The following SYNDIG1 variants were observed in gnomAD, a reference collection of about 807,000 sequenced individuals.
SYNDIG1 encodes the protein synapse differentiation inducing 1, also known as synapse differentiation-inducing gene protein 1.
Under a neutral mutation model 19.4 loss-of-function variants are expected in SYNDIG1, and 9 were observed. That is an observed-to-expected ratio of 0.46 (90% CI 0.28 to 0.81). SYNDIG1 has a LOEUF of 0.81. Among genes scored for constraint, SYNDIG1 ranks in the 30% least tolerant of loss-of-function variants. The pLI is 0.12. For synonymous variants in SYNDIG1, 141 were observed against 145.9 expected (o/e 0.97, Z 0.24); for missense variants, 311 against 343.3 (o/e 0.91, Z 0.74).
At chr20:24,510,092 T>C (rs2146451945) in intron 1 of SYNDIG1, among the ~76,000 whole-genome samples, 1 of 152,334 alleles carries the variant, frequency 6.6e-6, no homozygotes, top group African/African-American at 2.4e-5. Context: ...CCCCAGAAGC[T>C]GAGCAAATGC....
chr20:24,522,221 C>A (rs1167284527), intron 1 of SYNDIG1, among the ~76,000 whole-genome samples: 2 of 152,112 alleles, frequency 1.3e-5, no homozygotes, highest in Non-Finnish European at 2.9e-5. Flanking sequence ...AGTCTCCCAC[C>A]TGTAGCTAGG....
intron 1 of SYNDIG1, among the ~76,000 whole-genome samples, chr20:24,528,914 C>T (rs2146604440): frequency 6.6e-6 from 1 of 152,272 alleles, no homozygotes; most frequent in Admixed American, 6.5e-5. Context: ...CCAAACACTA[C>T]AAACTAAGTG....
intron 1 of SYNDIG1, among the ~76,000 whole-genome samples, chr20:24,486,700 C>T (rs1322546443): frequency 3.3e-5 from 5 of 151,556 alleles, no homozygotes; most frequent in Non-Finnish European, 7.4e-5. Flanking sequence ...CGCTCTGTCA[C>T]CAGGCTGGAG....
At chr20:24,472,011 TC>T (rs1279346202) in intron 1 of SYNDIG1, among the ~76,000 whole-genome samples, 2 of 152,184 alleles carry the variant, frequency 1.3e-5, no homozygotes, top group African/African-American at 4.8e-5. Flanking sequence ...AAAAAACCAT[TC>T]CAAACTCACT....
At chr20:24,477,069 G>A (rs142468198) in intron 1 of SYNDIG1, among the ~76,000 whole-genome samples, 2,824 of 152,346 alleles carry the variant, frequency 0.019, 58 homozygotes, top group Non-Finnish European at 0.023. Context: ...AATATGTGCA[G>A]AATTCTGTAG....
chr20:24,493,301 C>T (rs574910818), intron 1 of SYNDIG1, among the ~76,000 whole-genome samples: 1 of 152,330 alleles, frequency 6.6e-6, no homozygotes, highest in South Asian at 2.1e-4. Flanking sequence ...TGCACACATC[C>T]ACATGCATGG....
chr20:24,539,922 G>A (rs1405651018), intron 1 of SYNDIG1, among the ~76,000 whole-genome samples: 1 of 152,068 alleles, frequency 6.6e-6, no homozygotes, highest in Non-Finnish European at 1.5e-5. Context: ...GGGATTACAG[G>A]CGCCCACCAC....
intron 3 of SYNDIG1, among the ~76,000 whole-genome samples, chr20:24,610,789 A>G (rs6036849): frequency 0.22 from 34,031 of 152,072 alleles, 4,421 homozygotes; most frequent in Admixed American, 0.37. Flanking sequence ...ATTTGCCCAG[A>G]TGCATGTAAG....
At chr20:24,557,151 C>T (rs2057838105) in intron 2 of SYNDIG1, among the ~76,000 whole-genome samples, 2 of 152,062 alleles carry the variant, frequency 1.3e-5, no homozygotes, top group Admixed American at 1.3e-4. Flanking sequence ...TGGCTTTCAG[C>T]TCCATCAGCT....
intron 3 of SYNDIG1, among the ~76,000 whole-genome samples, chr20:24,633,136 A>G (rs1286591743): frequency 6.6e-6 from 1 of 152,124 alleles, no homozygotes; most frequent in Non-Finnish European, 1.5e-5. Context: ...CAGCAAGCTT[A>G]CTGCCATGCT....
intron 1 of SYNDIG1, among the ~76,000 whole-genome samples, chr20:24,537,660 C>A (rs979882200): frequency 8.6e-5 from 13 of 152,018 alleles, no homozygotes; most frequent in Admixed American, 7.9e-4. Flanking sequence ...CTCCAGATGG[C>A]ACTGCTGGTG....
intron 3 of SYNDIG1, among the ~76,000 whole-genome samples, chr20:24,585,544 G>A (rs2058403258): frequency 6.6e-6 from 1 of 152,164 alleles, no homozygotes; most frequent in Non-Finnish European, 1.5e-5. Flanking sequence ...TTCCTCCCCA[G>A]CATAAGGCTT....
At position 24,560,063 on chromosome 20, in the gene SYNDIG1, C is replaced by CTTTTTTTTTTTTTTTTTTTT. The variant is rs60892856; in HGVS notation, c.480+16495_480+16514dup. ...TTTTTTTTAACATTTCTCTCCTCTC[C>CTTTTTTTTTTTTTTTTTTTT]TTTTTTTTTTTTTTTTTTTTTTTTT... is the stretch of plus-strand genomic sequence containing the variant. On this transcript the variant is annotated intron_variant, in intron 2 of 3. Coordinates refer to ENST00000376862, the MANE Select transcript of SYNDIG1 (RefSeq NM_024893.3). Among the ~76,000 whole-genome samples the CTTTTTTTTTTTTTTTTTTTT allele has an allele frequency of 4.6e-5, 2 of 43,062 alleles. 1 individual carries two copies. Among genetic ancestry groups the CTTTTTTTTTTTTTTTTTTTT allele is most frequent in the African/African-American group, 3.0e-4 (2 of 6,684 alleles). 28.3% of individuals were successfully genotyped at this position (43,062 alleles called of 152,430 possible). A position where few individuals can be genotyped will look rare whatever the true frequency, so the allele number is the denominator to read the frequency against.
Position 24,543,594 on chromosome 20 carries a change from G to C in SYNDIG1, c.480+17G>C, listed in dbSNP as rs754947135. On this transcript the variant is annotated intron_variant, in intron 2 of 3. Transcript: ENST00000376862. ...GAGCTGGAGGTCACAGGATGTGTTTGTCAGAGGCCCTCTAAGAATGTGTGA... is the reference window on the plus strand; with the variant it reads ...GAGCTGGAGGTCACAGGATGTGTTTCTCAGAGGCCCTCTAAGAATGTGTGA... The C allele has an allele frequency of 3.1e-6, 5 of 1,594,398 alleles. No individual in the cohort carries two copies. The highest frequency in any genetic ancestry group is 4.3e-6 in the Non-Finnish European group (5 of 1,176,360).
At chr20:24,632,308 C>A (rs1297000022) in intron 3 of SYNDIG1, among the ~76,000 whole-genome samples, 1 of 152,184 alleles carries the variant, frequency 6.6e-6, no homozygotes, top group Non-Finnish European at 1.5e-5. Context: ...GGTGCGATCA[C>A]AACTCACTGC....
rs199505256 is a variant in SYNDIG1 at position 24,550,512 on chromosome 20, C to T, written c.480+6935C>T. Among the ~76,000 whole-genome samples, 368 of 140,006 alleles carry T rather than the reference C, an allele frequency of 2.6e-3. 3 individuals carry two copies. Among genetic ancestry groups the T allele is most frequent in the African/African-American group, 9.5e-3 (356 of 37,424 alleles). 91.8% of individuals were successfully genotyped at this position (140,006 alleles called of 152,430 possible). On this transcript the variant is annotated intron_variant, in intron 2 of 3. Coordinates refer to ENST00000376862, the MANE Select transcript of SYNDIG1 (RefSeq NM_024893.3). ...ATCATGTGGTATATTACGTTAACTG[C>T]TTTTTTTTTTTTTTGAGACGGAGTC... is the stretch of plus-strand genomic sequence containing the variant.
intron 3 of SYNDIG1, among the ~76,000 whole-genome samples, chr20:24,662,011 A>G (rs1033464263): frequency 2.1e-4 from 32 of 152,180 alleles, no homozygotes; most frequent in African/African-American, 6.0e-4. Flanking sequence ...TCACGAAGCC[A>G]TGACCAGCAT....
intron 3 of SYNDIG1, among the ~76,000 whole-genome samples, chr20:24,629,761 G>C (rs1393203072): frequency 6.6e-6 from 1 of 152,248 alleles, no homozygotes; most frequent in Non-Finnish European, 1.5e-5. Flanking sequence ...GCAAGGAGAA[G>C]TAAATGTAAT....
intron 2 of SYNDIG1, among the ~76,000 whole-genome samples, chr20:24,572,547 A>G (rs1440343495): frequency 2.0e-5 from 3 of 152,174 alleles, no homozygotes; most frequent in African/African-American, 7.2e-5. Flanking sequence ...GGAGACCCAC[A>G]TTCTTCCCAC....
Sources: gnomAD v4.1 joint callset for allele counts (sites outside exome capture counted in the v4.1 genomes callset) on GRCh38, gnomAD v4.1.1 for gene constraint, MANE v1.5 for transcripts, NCBI Gene and HGNC (gene_info 2026-07-23, HGNC 2026-07-21) for gene names.